The following FNTB variants were observed in gnomAD, a reference collection of about 807,000 sequenced individuals.
The protein encoded by FNTB is farnesyltransferase, CAAX box, subunit beta.
A neutral mutation model predicts 59.4 loss-of-function variants in FNTB; 27 were observed. That is an observed-to-expected ratio of 0.45 (90% CI 0.34 to 0.63). The LOEUF is 0.63. Ranked by LOEUF, FNTB falls within the 20% of genes least tolerant of loss-of-function variation. The pLI, the probability that FNTB is intolerant of heterozygous loss-of-function variation, is 0.02. For missense variants in FNTB, 449 were observed against 559.6 expected, an observed-to-expected ratio of 0.80 and a Z score of 1.99; for synonymous variants, 230 against 220.7, an observed-to-expected ratio of 1.04 and a Z score of -0.37.
At chr14:65,022,071 A>G (rs1487603621) in intron 4 of FNTB, 3 of 455,950 alleles carry the variant, frequency 6.6e-6, no homozygotes, top group Non-Finnish European at 1.3e-5. Context: ...CCCGGAATCA[A>G]CAAGAGATGC....
chr14:64,992,515 A>G (rs1274041388), intron 1 of FNTB, among the ~76,000 whole-genome samples: 1 of 152,156 alleles, frequency 6.6e-6, no homozygotes, highest in African/African-American at 2.4e-5. Context: ...GCCAATGTGG[A>G]TTTCCGGACC....
intron 7 of FNTB, among the ~76,000 whole-genome samples, chr14:65,034,914 C>T (rs1351552402): frequency 2.6e-5 from 4 of 152,082 alleles, no homozygotes; most frequent in Non-Finnish European, 5.9e-5. Flanking sequence ...GTTGGTTTGC[C>T]CCAAAAGGGG....
chr14:64,997,279 T>G lies in FNTB; in HGVS notation c.145-6970T>G, dbSNP rs1218859434. On this transcript the variant is annotated intron_variant, in intron 1 of 11. Transcript: ENST00000246166. The surrounding 1 kb of genome is among the most constrained non-coding windows in gnomAD (Gnocchi z 4.5). The stretch of plus-strand genomic sequence containing the variant: ...TGGCTGTTTGAGATGTCTTTTCAGA[T>G]TTTTGCATTTCTGACTGGCTGACTC... 6.6e-6 allele frequency among the ~76,000 whole-genome samples: 1 copy of G among 152,150 alleles called. No homozygotes were observed. The highest frequency in any genetic ancestry group is 1.5e-5 in the Non-Finnish European group (1 of 68,028).
Position 65,011,257 on chromosome 14 carries a change from C to T in FNTB, c.210-1060C>T, listed in dbSNP as rs574124512. 2.0e-5 allele frequency among the ~76,000 whole-genome samples: 3 copies of T among 152,050 alleles called. No homozygotes were observed. The highest frequency in any genetic ancestry group is 4.2e-4 in the South Asian group (2 of 4,808). ...AGCCTGGGCAACATGGTGAAACCCC[C>T]GTCTCCACTAAAAATACAAAAATTA... is the stretch of plus-strand genomic sequence containing the variant. On this transcript the variant is annotated intron_variant, in intron 2 of 11. Transcript: ENST00000246166. This position sits in a 1 kb window ranked among gnomAD's most constrained non-coding sequence, Gnocchi z 4.0.
chr14:65,041,287 T>G (rs555478070), intron 8 of FNTB, among the ~76,000 whole-genome samples: 1 of 152,176 alleles, frequency 6.6e-6, no homozygotes, highest in Non-Finnish European at 1.5e-5. Flanking sequence ...AAACCAAACT[T>G]TTATTACCTG....
rs142256647 is a variant in FNTB at position 64,995,602 on chromosome 14, C to T, written c.144+8505C>T. On this transcript the variant is annotated intron_variant, in intron 1 of 11. Coordinates refer to ENST00000246166, the MANE Select transcript of FNTB (RefSeq NM_002028.4). ...GGGGTACGTTCTTGACCAAAACATC[C>T]TTATGTGGCACATTACTATATTAGT... Among the ~76,000 whole-genome samples the T allele has an allele frequency of 4.3e-3, 646 of 151,644 alleles. 4 individuals are homozygous for T. Among genetic ancestry groups the T allele is most frequent in the African/African-American group, 0.015 (610 of 41,366 alleles).
At chr14:65,038,453 C>T (rs2062265601) in intron 7 of FNTB, among the ~76,000 whole-genome samples, 1 of 151,818 alleles carries the variant, frequency 6.6e-6, no homozygotes, top group African/African-American at 2.4e-5. Context: ...GGTGCAGTGG[C>T]TCATACCTGT....
rs1595104007 is a variant in FNTB, at chr14:65,056,754, G to A, written c.1182+2065G>A. Among the ~76,000 whole-genome samples the A allele has an allele frequency of 1.3e-5, 2 of 152,180 alleles. 1 individual carries two copies. The highest frequency in any genetic ancestry group is 3.8e-4 in the East Asian group (2 of 5,202). ...CTAATCTTCTATCAGTTACATGTGT[G>A]TAGTGAATATCTTCCAGCTTGTGAC... On this transcript the variant is annotated intron_variant, in intron 11 of 11. Transcript: ENST00000246166.
chr14:65,044,515 C>T lies in FNTB; in HGVS notation c.955+72C>T, dbSNP rs2062431525. The T allele has an allele frequency of 2.0e-5, 31 of 1,547,306 alleles. No individual in the cohort carries two copies. The highest frequency in any genetic ancestry group is 2.6e-5 in the Non-Finnish European group (30 of 1,152,358). ...CTACTCACAAAGTCTGGAAGCCCAG[C>T]GTGCTTTTTTAGAGGGGTTGAAATG... is the stretch of plus-strand genomic sequence containing the variant. On this transcript the variant is annotated intron_variant, in intron 9 of 11. Transcript: ENST00000246166. The surrounding 1 kb of genome is among the most constrained non-coding windows in gnomAD (Gnocchi z 5.5).
At chr14:65,058,710 G>A (rs530212228) in intron 11 of FNTB, among the ~76,000 whole-genome samples, 8 of 152,032 alleles carry the variant, frequency 5.3e-5, no homozygotes, top group East Asian at 1.9e-4. Flanking sequence ...TGCTTTCTCC[G>A]CATCTGATTT....
Position 65,027,454 on chromosome 14 carries a change from G to A in FNTB, c.376G>A (p.Val126Met), listed in dbSNP as rs1490339902. Residue 126 changes from valine to methionine, a missense_variant and splice_region_variant, in exon 5 of 12, where the codon GTG becomes ATG. By Grantham distance (21) the Val-to-Met change is conservative. Transcript: ENST00000246166. The surrounding 1 kb of genome is among the most constrained non-coding windows in gnomAD (Gnocchi z 5.7). ...TTTGCCCTTTGGCTGTGTACCTAGTGTGTGTCAGTTCCTGGAGCTGTGTCA... is the reference window on the plus strand; with the variant it reads ...TTTGCCCTTTGGCTGTGTACCTAGTATGTGTCAGTTCCTGGAGCTGTGTCA... ...EPIPQIVATDVCQFLELCQSP... is the reference protein window; with the variant it reads ...EPIPQIVATDMCQFLELCQSP... 6.2e-7 allele frequency: 1 copy of A among 1,614,192 alleles called. No individual in the cohort carries two copies. Among genetic ancestry groups the A allele is most frequent in the African/African-American group, 1.3e-5 (1 of 75,046 alleles).
chr14:65,021,587 C>T (rs190797377), intron 4 of FNTB, among the ~76,000 whole-genome samples: 9 of 152,200 alleles, frequency 5.9e-5, no homozygotes, highest in African/African-American at 2.2e-4. Context: ...CAGGACGGTC[C>T]CTGCACCAAA....
rs191250048 is a variant in FNTB, at chr14:65,052,017, G to C, written c.956-1221G>C. Among the ~76,000 whole-genome samples the C allele has an allele frequency of 6.9e-3, 1,049 of 151,988 alleles. 10 individuals are homozygous for C. The highest frequency in any genetic ancestry group is 0.017 in the Middle Eastern group (5 of 294). ...TCACCGTGTTAGCCGGGATGGTCTC[G>C]ATCTCCTGACCTCGTGATCAACCCC... On this transcript the variant is annotated intron_variant, in intron 9 of 11. Coordinates refer to ENST00000246166, the MANE Select transcript of FNTB (RefSeq NM_002028.4).
intron 7 of FNTB, among the ~76,000 whole-genome samples, chr14:65,039,699 G>A (rs1595073986): frequency 6.6e-6 from 1 of 152,168 alleles, no homozygotes; most frequent in East Asian, 1.9e-4. Flanking sequence ...AATACCTGAG[G>A]CTGGGTAACT....
Position 65,030,910 on chromosome 14 carries a change from C to T in FNTB, c.606-1700C>T, listed in dbSNP as rs930494191. On this transcript the variant is annotated intron_variant, in intron 6 of 11. Transcript: ENST00000246166. The surrounding 1 kb of genome is among the most constrained non-coding windows in gnomAD (Gnocchi z 4.5). ...GCAACCTCTGTCTCTGGGGTTCAAA[C>T]GATTCTCCTGCCTCGGTCTCCCAAG... Among the ~76,000 whole-genome samples, 3 of 152,082 alleles carry T rather than the reference C, an allele frequency of 2.0e-5. No homozygotes were observed. The highest frequency in any genetic ancestry group is 1.9e-4 in the East Asian group (1 of 5,146).
intron 1 of FNTB, among the ~76,000 whole-genome samples, chr14:64,988,457 T>G (rs1888042653): frequency 6.6e-6 from 1 of 150,478 alleles, no homozygotes; most frequent in African/African-American, 2.5e-5. Flanking sequence ...TTTTTTTTTT[T>G]TTTTTTTGAG....
intron 3 of FNTB, among the ~76,000 whole-genome samples, chr14:65,015,360 C>G (rs1039500444): frequency 4.0e-5 from 6 of 151,652 alleles, no homozygotes; most frequent in Admixed American, 2.0e-4. Flanking sequence ...ACCTTGGCCT[C>G]CCAAAGTGCT....
chr14:65,039,693 C>T (rs1327992940), intron 7 of FNTB, among the ~76,000 whole-genome samples: 2 of 152,122 alleles, frequency 1.3e-5, no homozygotes, highest in African/African-American at 2.4e-5. Context: ...TAAAGGAATA[C>T]CTGAGGCTGG....
intron 11 of FNTB, among the ~76,000 whole-genome samples, chr14:65,060,713 A>T (rs1038405645): frequency 2.8e-5 from 4 of 141,252 alleles, no homozygotes; most frequent in Admixed American, 2.1e-4. Flanking sequence ...AAAAAAAAAA[A>T]AATACAAAAA....
Sources: allele counts gnomAD v4.1 joint callset (sites outside exome capture counted in the v4.1 genomes callset), GRCh38; gene constraint gnomAD v4.1.1; non-coding constraint Gnocchi (gnomAD v3.1); transcripts MANE v1.5; gene names NCBI Gene and HGNC (gene_info 2026-07-23, HGNC 2026-07-21).